Variants in PPFIA4 observed in about 807,000 individuals in gnomAD.
PPFIA4 encodes liprin-alpha-4.
A neutral mutation model predicts 145.7 loss-of-function variants in PPFIA4; 98 were observed. The ratio of observed to expected loss-of-function variants is 0.67; its 90% CI spans 0.57 to 0.80. PPFIA4 has a LOEUF of 0.80. PPFIA4 is among the 30% of genes least tolerant of loss of function. The pLI is 0.00. For synonymous variants in PPFIA4, 628 were observed against 649.6 expected (o/e 0.97, Z 0.51); for missense variants, 1,457 against 1,632.7 (o/e 0.89, Z 1.85).
At chr1:203,058,206 G>C (rs528165137) in intron 19 of PPFIA4, among the ~76,000 whole-genome samples, 1 of 152,266 alleles carries the variant, frequency 6.6e-6, no homozygotes, top group East Asian at 1.9e-4. Flanking sequence ...TGGCTGAGGA[G>C]GAGGAGGAGG....
intron 4 of PPFIA4, 57 bp downstream of exon 4, chr1:203,044,152 G>A: frequency 6.7e-7 from 1 of 1,497,682 alleles, no homozygotes; most frequent in Non-Finnish European, 8.9e-7. Flanking sequence ...AGCCTCCCAT[G>A]TATCCCTTCT....
Position 203,045,889 on chromosome 1 carries a change from A to G in PPFIA4, c.907A>G (p.Lys303Glu). The change falls in exon 8 of 30, where the codon AAG (lysine) becomes GAG (glutamate). Residue 303 changes from lysine (K) to glutamate (E), a missense_variant. Lys to Glu is a moderately conservative substitution (Grantham distance 56). Transcript: ENST00000295706. The stretch of plus-strand genomic sequence containing the variant: ...GGAAGAGCGGATTACTACACTGGAG[A>G]AGCGCTACCTGGCTGCTCAGCGTGA... ...DMEERITTLEKRYLAAQREAT... is the reference protein window; with the variant it reads ...DMEERITTLEERYLAAQREAT... 1 of 1,612,718 alleles carries G rather than the reference A, an allele frequency of 6.2e-7. No individual in the cohort carries two copies. The highest frequency in any genetic ancestry group is 8.5e-7 in the Non-Finnish European group (1 of 1,179,838).
chr1:203,056,283 G>A, intron 17 of PPFIA4, 92 bp from the exon 18 acceptor site: 1 of 1,598,722 alleles, frequency 6.3e-7, no homozygotes, highest in Non-Finnish European at 8.5e-7. Flanking sequence ...CCTCCCCACT[G>A]CATTTCTCCA....
chr1:203,044,228 G>A (rs924475090), intron 4 of PPFIA4, 133 bp downstream of exon 4: 4 of 1,205,824 alleles, frequency 3.3e-6, no homozygotes, highest in Non-Finnish European at 4.6e-6. Context: ...TAACTTCAAG[G>A]TCCTCCTGTT....
chr1:203,059,198 T>C lies in PPFIA4; in HGVS notation c.2428T>C (p.Phe810Leu), dbSNP rs1281803659. ...TGTAGTTCTGCTAACAGACTCCGAA[T>C]TCAGTATGCAGGAGCCTATGGTGCC... is the stretch of plus-strand genomic sequence containing the variant. The part of the protein sequence containing the change: ...TGHVLLTDSE[F>L]SMQEPMVPAK... Residue 810 changes from phenylalanine to leucine, a missense_variant, in exon 20 of 30, where the codon TTC becomes CTC. Coordinates refer to ENST00000295706, the MANE Select transcript of PPFIA4 (RefSeq NM_001304331.2). The C allele has an allele frequency of 6.5e-7, 1 of 1,540,548 alleles. No individual in the cohort carries two copies. The highest frequency in any genetic ancestry group is 8.9e-7 in the Non-Finnish European group (1 of 1,129,734).
rs1410964055 is a variant in PPFIA4, at chr1:203,063,937, G to A, written c.2984G>A (p.Arg995His). ...SYFMECLVDARMLDHLTKKDL... is the reference protein window; with the variant it reads ...SYFMECLVDAHMLDHLTKKDL... Reference sequence around the variant, plus strand: ...TTCATGGAGTGCCTGGTGGACGCCCGCATGCTGGACCACCTCACCAAGAAG... The same window carrying A: ...TTCATGGAGTGCCTGGTGGACGCCCACATGCTGGACCACCTCACCAAGAAG... The change falls in exon 25 of 30, where the codon CGC becomes CAC. Residue 995 changes from arginine (R) to histidine (H), a missense_variant. Arg to His is a conservative substitution (Grantham distance 29, BLOSUM62 0). Around this residue, in one of 3 missense-constraint regions of PPFIA4, gnomAD observed 848 missense variants for 1,046.7 expected, o/e 0.81. Coordinates refer to ENST00000295706, the MANE Select transcript of PPFIA4 (RefSeq NM_001304331.2). 2 of 1,613,998 alleles carry A rather than the reference G, an allele frequency of 1.2e-6. No individual in the cohort carries two copies. Among genetic ancestry groups the A allele is most frequent in the Admixed American group, 3.3e-5 (2 of 60,024 alleles).
intron 15 of PPFIA4, 48 bp downstream of exon 15, chr1:203,054,009 G>A (rs762645269): frequency 6.5e-7 from 1 of 1,533,746 alleles, no homozygotes; most frequent in Non-Finnish European, 8.8e-7. Flanking sequence ...AGGGCAGGGG[G>A]GCCCTTTGTG....
Position 203,075,979 on chromosome 1 carries a change from G to GGGTCGC in PPFIA4, c.3574+223_3574+228dup. ...CCGACTTCTCCCAGCTGGGACGGCG[G>GGGTCGC]GGTCGCAGAGACTGGAGACCTCCAC... On this transcript the variant is annotated intron_variant, in intron 29 of 29. Transcript: ENST00000295706. This position sits in a 1 kb window ranked among gnomAD's most constrained non-coding sequence, Gnocchi z 4.1. 2 of 532,782 alleles carry GGGTCGC rather than the reference G, an allele frequency of 3.8e-6. No individual in the cohort carries two copies. The highest frequency in any genetic ancestry group is 7.3e-5 in the South Asian group (2 of 27,524). 33.0% of individuals were successfully genotyped at this position (532,782 alleles called of 1,614,324 possible).
At chr1:203,035,480 A>C (rs571742547) in intron 1 of PPFIA4, 59 of 356,836 alleles carry the variant, frequency 1.7e-4, no homozygotes, top group Admixed American at 3.7e-4. Flanking sequence ...CCCAAGGCCT[A>C]CTTTTTGTCC....
At chr1:203,028,696 AGAG>A (rs1658609754) in intron 1 of PPFIA4, among the ~76,000 whole-genome samples, 1 of 151,354 alleles carries the variant, frequency 6.6e-6, no homozygotes, top group African/African-American at 2.4e-5. Flanking sequence ...CATGTGTTGG[AGAG>A]GAGGAGAGGT....
chr1:203,044,255 A>G (rs1054249351), intron 4 of PPFIA4, 124 bp from the exon 5 acceptor site: 15 of 1,163,996 alleles, frequency 1.3e-5, no homozygotes, highest in Non-Finnish European at 1.7e-5. Flanking sequence ...CCTCCTGCAA[A>G]TGTGCTGCTT....
intron 27 of PPFIA4, among the ~76,000 whole-genome samples, chr1:203,069,304 G>T (rs1415805073): frequency 6.6e-6 from 1 of 152,138 alleles, no homozygotes; most frequent in South Asian, 2.1e-4. Flanking sequence ...TGCTTGTTGT[G>T]TAGAGTACTT....
chr1:203,061,708 C>T, intron 24 of PPFIA4, 30 bp downstream of exon 24: 2 of 1,554,046 alleles, frequency 1.3e-6, no homozygotes, highest in East Asian at 2.4e-5. Context: ...CTAGAACCAG[C>T]TCCCAAAACT....
chr1:203,054,336 C>T (rs1660759457), intron 15 of PPFIA4, among the ~76,000 whole-genome samples: 1 of 152,162 alleles, frequency 6.6e-6, no homozygotes, highest in South Asian at 2.1e-4. Context: ...CTGAGGTAGG[C>T]AGCATGATCC....
At position 203,076,800 on chromosome 1, in the gene PPFIA4, C is replaced by G; in HGVS notation, c.*410C>G. 1 of 233,106 alleles carries G rather than the reference C, an allele frequency of 4.3e-6. No individual in the cohort carries two copies. The highest frequency in any genetic ancestry group is 8.5e-6 in the Non-Finnish European group (1 of 117,952). 14.4% of individuals were successfully genotyped at this position (233,106 alleles called of 1,614,324 possible). On this transcript the variant is annotated 3_prime_UTR_variant, in exon 30 of 30. Transcript: ENST00000295706. Reference sequence around the variant, plus strand: ...CCTTCCAAGAAAGGGTCATTTCAGACGCAGCCCTGCTTGGGCTATTCAATC... The same window carrying G: ...CCTTCCAAGAAAGGGTCATTTCAGAGGCAGCCCTGCTTGGGCTATTCAATC...
intron 2 of PPFIA4, among the ~76,000 whole-genome samples, chr1:203,040,034 C>A (rs1409474838): frequency 6.6e-6 from 1 of 152,214 alleles, no homozygotes; most frequent in Non-Finnish European, 1.5e-5. Context: ...GCTTATCACC[C>A]ACTTGGTAGA....
Position 203,055,487 on chromosome 1 carries a change from C to T in PPFIA4, c.1885C>T (p.Arg629Cys), listed in dbSNP as rs747344170. Reference protein sequence around the residue: ...TELRAEEIETRVTSGSMEALN... With the variant: ...TELRAEEIETCVTSGSMEALN... ...GCTCCGCGCGGAGGAGATTGAGACG[C>T]GTGTAACCAGTGGCAGCATGGAAGC... Residue 629 changes from arginine to cysteine, a missense_variant, in exon 16 of 30, where the codon CGT (arginine) becomes TGT (cysteine). Physicochemically the swap from Arg to Cys is radical, Grantham distance 180 (BLOSUM62 -3). Around this residue, in one of 3 missense-constraint regions of PPFIA4, gnomAD observed 848 missense variants for 1,046.7 expected, o/e 0.81. Transcript: ENST00000295706. This position sits in a 1 kb window ranked among gnomAD's most constrained non-coding sequence, Gnocchi z 4.8. The T allele has an allele frequency of 3.1e-5, 50 of 1,613,978 alleles. No individual in the cohort carries two copies. Among genetic ancestry groups the T allele is most frequent in the South Asian group, 2.3e-4 (21 of 91,072 alleles).
Position 203,051,826 on chromosome 1 carries a change from A to AC in PPFIA4, c.1574dup (p.Gly526ArgfsTer35). 1.2e-6 allele frequency: 2 copies of AC among 1,613,498 alleles called. No homozygotes were observed. Among genetic ancestry groups the AC allele is most frequent in the Non-Finnish European group, 1.7e-6 (2 of 1,179,786 alleles). ...TCTCCCTGGGCACAACCACACACGC[A>AC]CCCCCAGGCGTGCATCGCCGCTACT... On this transcript the variant is annotated frameshift_variant, in exon 14 of 30. Transcript: ENST00000295706. LOFTEE classifies it high-confidence loss of function.
At position 203,059,164 on chromosome 1, in the gene PPFIA4, C is replaced by T. The variant is rs755254747; in HGVS notation, c.2408-14C>T. The T allele has an allele frequency of 1.3e-6, 2 of 1,486,774 alleles. No individual in the cohort carries two copies. The allele number at this position is 1,486,774 out of a possible 1,614,324, so 92.1% of individuals were successfully genotyped here. A position where few individuals can be genotyped will look rare whatever the true frequency, so the allele number is the denominator to read the frequency against. ...CAGAGGGGCTGGCTGACACACACATCTCTTTCCTTGTAGTTCTGCTAACAG... is the reference window on the plus strand; with the variant it reads ...CAGAGGGGCTGGCTGACACACACATTTCTTTCCTTGTAGTTCTGCTAACAG... On this transcript the variant is annotated splice_polypyrimidine_tract_variant and intron_variant, in intron 19 of 29. Transcript: ENST00000295706.
Sources: gnomAD v4.1 joint callset for allele counts (sites outside exome capture counted in the v4.1 genomes callset) on GRCh38, gnomAD v4.1.1 for gene constraint, gnomAD v4.1.1 regional missense constraint, Gnocchi (gnomAD v3.1) non-coding constraint, MANE v1.5 for transcripts, NCBI Gene and HGNC (gene_info 2026-07-23, HGNC 2026-07-21) for gene names.